Variants in CDIN1 observed in about 807,000 individuals in gnomAD.
CDIN1 encodes the protein CDAN1 interacting nuclease 1.
CDIN1 carries 33 observed loss-of-function variants against 45.3 expected under a neutral mutation model. The ratio of observed to expected loss-of-function variants is 0.73; its 90% CI spans 0.55 to 0.97. The LOEUF is 0.97. Among genes scored for constraint, CDIN1 ranks in the 50% least tolerant of loss-of-function variants. The pLI, the probability that CDIN1 is intolerant of heterozygous loss-of-function variation, is 0.00. For missense variants in CDIN1, 303 were observed against 339.4 expected (o/e 0.89, Z 0.84); for synonymous variants, 118 against 124.4 (o/e 0.95, Z 0.34).
intron 1 of CDIN1, among the ~76,000 whole-genome samples, chr15:36,631,794 T>C (rs570156664): frequency 2.0e-5 from 3 of 152,304 alleles, no homozygotes; most frequent in Non-Finnish European, 4.4e-5. Flanking sequence ...CTGGGTCATA[T>C]GATAACTGTG....
At chr15:36,712,774 C>T (rs1213440729) in intron 10 of CDIN1, among the ~76,000 whole-genome samples, 4 of 152,134 alleles carry the variant, frequency 2.6e-5, no homozygotes, top group Non-Finnish European at 5.9e-5. Context: ...GCCGTTCCTA[C>T]AAGCACATCT....
At chr15:36,589,511 CT>C (rs5811918) in intron 1 of CDIN1, among the ~76,000 whole-genome samples, 122,804 of 145,382 alleles carry the variant, frequency 0.84, 51,842 homozygotes, top group East Asian at 0.95. Context: ...TTTCTTTTTT[CT>C]TTTTTTTTTT....
chr15:36,735,474 C>G (rs1261215834), intron 10 of CDIN1, among the ~76,000 whole-genome samples: 1 of 151,994 alleles, frequency 6.6e-6, no homozygotes, highest in Non-Finnish European at 1.5e-5. Flanking sequence ...TTAATATATA[C>G]TTACACTTTT....
chr15:36,774,163 T>TGCGCAC (rs1555407091), intron 10 of CDIN1, among the ~76,000 whole-genome samples: 2 of 143,070 alleles, frequency 1.4e-5, no homozygotes, highest in Non-Finnish European at 3.0e-5. Context: ...TGTGTGTGTG[T>TGCGCAC]GCGCGCGCGC....
intron 1 of CDIN1, among the ~76,000 whole-genome samples, chr15:36,637,807 A>G (rs1424579556): frequency 6.6e-6 from 1 of 152,252 alleles, no homozygotes; most frequent in East Asian, 1.9e-4. Flanking sequence ...GGTGAGTGAA[A>G]GAAGCCAGAT....
chr15:36,704,127 C>T (rs2042777950), intron 8 of CDIN1, among the ~76,000 whole-genome samples: 1 of 152,112 alleles, frequency 6.6e-6, no homozygotes, highest in South Asian at 2.1e-4. Flanking sequence ...GTGTCCTCTG[C>T]CTTTCCACAG....
At chr15:36,619,043 C>T (rs1253498405) in intron 1 of CDIN1, 1 of 1,318,508 alleles carries the variant, frequency 7.6e-7, no homozygotes, top group Non-Finnish European at 1.1e-6. Context: ...TCTCCCACGA[C>T]AAACAAAGAC....
intron 8 of CDIN1, chr15:36,702,242 TGAG>T: frequency 1.5e-6 from 1 of 657,378 alleles, no homozygotes; most frequent in Non-Finnish European, 2.8e-6. Flanking sequence ...AACATGAAAT[TGAG>T]GGTGGGAGGT....
intron 8 of CDIN1, 99 bp downstream of exon 8, chr15:36,697,489 T>C: frequency 1.0e-6 from 1 of 959,938 alleles, no homozygotes; most frequent in Non-Finnish European, 1.6e-6. Context: ...GAATGATGAT[T>C]GATGCTGTGC....
intron 10 of CDIN1, chr15:36,799,499 A>G (rs1193367564): frequency 6.6e-6 from 1 of 152,130 alleles, no homozygotes; most frequent in Non-Finnish European, 1.5e-5. Flanking sequence ...CCCTCCCCTC[A>G]AAAATGGATG....
chr15:36,671,521 C>T (rs1396922183), intron 5 of CDIN1, among the ~76,000 whole-genome samples: 1 of 151,832 alleles, frequency 6.6e-6, no homozygotes, highest in African/African-American at 2.4e-5. Context: ...ACCACCCCCA[C>T]CCCATGGAAA....
chr15:36,793,542 A>T (rs2054704048), intron 10 of CDIN1, among the ~76,000 whole-genome samples: 1 of 152,202 alleles, frequency 6.6e-6, no homozygotes, highest in South Asian at 2.1e-4. Context: ...GAAGTATTTT[A>T]AGAACTGTGA....
intron 10 of CDIN1, among the ~76,000 whole-genome samples, chr15:36,740,179 T>C (rs1198066123): frequency 6.6e-6 from 1 of 152,240 alleles, no homozygotes; most frequent in African/African-American, 2.4e-5. Flanking sequence ...CTACATTTCT[T>C]AAACTTATTT....
intron 10 of CDIN1, among the ~76,000 whole-genome samples, chr15:36,740,129 G>A (rs566754460): frequency 6.6e-6 from 1 of 152,292 alleles, no homozygotes; most frequent in East Asian, 1.9e-4. Context: ...ACGGCTCTGA[G>A]AAATTCTGTG....
intron 1 of CDIN1, among the ~76,000 whole-genome samples, chr15:36,582,686 A>G (rs1288522821): frequency 6.6e-6 from 1 of 152,232 alleles, no homozygotes; most frequent in African/African-American, 2.4e-5. Context: ...CCACACTTAG[A>G]CAATCACTAG....
At chr15:36,726,694 C>T (rs1357204229) in intron 10 of CDIN1, among the ~76,000 whole-genome samples, 8 of 152,196 alleles carry the variant, frequency 5.3e-5, no homozygotes, top group Admixed American at 5.2e-4. Flanking sequence ...CATTCTCCAT[C>T]TAACATTGCA....
chr15:36,784,658 T>C (rs1374116779), intron 10 of CDIN1, among the ~76,000 whole-genome samples: 2 of 152,240 alleles, frequency 1.3e-5, no homozygotes, highest in Non-Finnish European at 2.9e-5. Flanking sequence ...TTGTTGGAAT[T>C]TAGTTGGATC....
intron 1 of CDIN1, among the ~76,000 whole-genome samples, chr15:36,608,924 T>A (rs1293950213): frequency 6.6e-6 from 1 of 152,150 alleles, no homozygotes; most frequent in Non-Finnish European, 1.5e-5. Flanking sequence ...TACACAAATA[T>A]ATATATTTAA....
intron 5 of CDIN1, among the ~76,000 whole-genome samples, chr15:36,685,742 G>C (rs1419836166): frequency 1.3e-5 from 2 of 152,086 alleles, no homozygotes; most frequent in Admixed American, 1.3e-4. Context: ...ATCAAAAAGT[G>C]GGCAAAGGAT....
Sources: gnomAD v4.1 joint callset for allele counts (sites outside exome capture counted in the v4.1 genomes callset) on GRCh38, gnomAD v4.1.1 for gene constraint, MANE v1.5 for transcripts, NCBI Gene and HGNC (gene_info 2026-07-23, HGNC 2026-07-21) for gene names.